The following AFAP1 variants were observed in gnomAD, a reference collection of about 807,000 sequenced individuals.
AFAP1 encodes the protein actin filament associated protein 1.
A neutral mutation model predicts 93.9 loss-of-function variants in AFAP1; 75 were observed. The ratio of observed to expected loss-of-function variants is 0.80; its 90% confidence interval spans 0.66 to 0.97. The LOEUF (loss-of-function observed/expected upper bound fraction) is 0.97, where lower values mean the gene tolerates loss of function less well. Among genes scored for constraint, AFAP1 ranks in the 50% least tolerant of loss-of-function variants. AFAP1 has a pLI of 0.00. For missense variants in AFAP1, 1,201 were observed against 1,050.8 expected (o/e 1.14, Z -1.98); for synonymous variants, 517 against 430.7 (o/e 1.20, Z -2.48).
At chr4:7,843,629 C>T (rs1371508723) in intron 4 of AFAP1, 4 of 346,444 alleles carry the variant, frequency 1.2e-5, no homozygotes, top group South Asian at 6.4e-5. Context: ...CACGCTGACC[C>T]GACACTGACT....
intron 4 of AFAP1, among the ~76,000 whole-genome samples, chr4:7,845,433 ACTTT>A (rs1181035306): frequency 5.2e-5 from 4 of 76,224 alleles, no homozygotes; most frequent in Admixed American, 2.5e-4. Context: ...TATTATTATT[ACTTT>A]AAGTCCAGGA....
chr4:7,879,732 C>CT lies in AFAP1; in HGVS notation c.-2-7653dup, dbSNP rs1717736289. 5.1e-5 allele frequency among the ~76,000 whole-genome samples: 7 copies of CT among 137,190 alleles called. No individual in the cohort carries two copies. In the South Asian group the frequency reaches 1.6e-3, roughly 32 times the overall value. The allele number at this position is 137,190 out of a possible 152,430, so 90.0% of individuals were successfully genotyped here. On this transcript the variant is annotated intron_variant, in intron 1 of 17. Transcript: ENST00000420658. ...TTTTTTTTTTTGTGAGACAGGGTCT[C>CT]TCTCTGTTGCCCAGGCTGGAGTGCA...
chr4:7,856,254 T>C (rs1272385103), intron 3 of AFAP1, among the ~76,000 whole-genome samples: 3 of 152,054 alleles, frequency 2.0e-5, no homozygotes, highest in Non-Finnish European at 4.4e-5. Context: ...TCACAATTTT[T>C]TTTTTTGAGT....
chr4:7,815,431 T>C (rs373514887), intron 8 of AFAP1, among the ~76,000 whole-genome samples: 1 of 152,246 alleles, frequency 6.6e-6, no homozygotes, highest in South Asian at 2.1e-4. Context: ...TTATATAATG[T>C]ACATTTTTAA....
intron 3 of AFAP1, 113 bp downstream of exon 3, chr4:7,868,509 G>C (rs1716676346): frequency 1.1e-6 from 1 of 878,486 alleles, no homozygotes; most frequent in Admixed American, 2.9e-5. Flanking sequence ...AGTGCCTCGA[G>C]ACAAATAAGG....
chr4:7,841,518 G>C (rs1713014204), intron 5 of AFAP1, among the ~76,000 whole-genome samples: 1 of 152,226 alleles, frequency 6.6e-6, no homozygotes, highest in Admixed American at 6.5e-5. Flanking sequence ...AAAAAAAGCT[G>C]TTAATGGCGG....
intron 1 of AFAP1, among the ~76,000 whole-genome samples, chr4:7,891,388 C>A (rs1718462809): frequency 6.6e-6 from 1 of 152,090 alleles, no homozygotes; most frequent in Non-Finnish European, 1.5e-5. Flanking sequence ...GAACCAAGGA[C>A]CAGAGAGAAA....
At position 7,898,673 on chromosome 4, in the gene AFAP1, A is replaced by C. The variant is rs528315696; in HGVS notation, c.-2-26593T>G. On this transcript the variant is annotated intron_variant, in intron 1 of 17. Transcript: ENST00000420658. ...GAAAAAGAAGAAAAAAAAAAAAAAA[A>C]CACTCTCTCCCTTTGTGAACCCATC... is the stretch of plus-strand genomic sequence containing the variant. 1.1e-4 allele frequency among the ~76,000 whole-genome samples: 15 copies of C among 139,132 alleles called. No homozygotes were observed. The South Asian group carries it at 3.1e-3, about 28-fold the overall frequency. 91.3% of individuals were successfully genotyped at this position (139,132 alleles called of 152,430 possible). A position where few individuals can be genotyped will look rare whatever the true frequency, so the allele number is the denominator to read the frequency against.
chr4:7,892,822 G>A (rs1718547275), intron 1 of AFAP1, among the ~76,000 whole-genome samples: 1 of 152,134 alleles, frequency 6.6e-6, no homozygotes, highest in African/African-American at 2.4e-5. Context: ...CAGCCCATGA[G>A]TCAAACGTGG....
At chr4:7,819,035 G>A (rs1170512586) in intron 7 of AFAP1, 41 bp downstream of exon 7, 1 of 1,507,912 alleles carries the variant, frequency 6.6e-7, no homozygotes, top group South Asian at 1.3e-5. Flanking sequence ...CCAATCCACT[G>A]CAAGGTCACC....
At chr4:7,787,195 G>T (rs1717378275) in intron 11 of AFAP1, among the ~76,000 whole-genome samples, 1 of 152,252 alleles carries the variant, frequency 6.6e-6, no homozygotes, top group Non-Finnish European at 1.5e-5. Context: ...AAGAGGATGG[G>T]GTTCCCGGAG....
intron 12 of AFAP1, among the ~76,000 whole-genome samples, chr4:7,782,772 G>A (rs536525551): frequency 6.6e-6 from 1 of 152,174 alleles, no homozygotes; most frequent in Non-Finnish European, 1.5e-5. Flanking sequence ...TAAAAATAGA[G>A]AAGACTTAAA....
chr4:7,815,988 A>G lies in AFAP1; in HGVS notation c.904+30T>C, dbSNP rs774020733. The G allele has an allele frequency of 9.0e-6, 14 of 1,562,608 alleles. No individual in the cohort carries two copies. In the African/African-American group the frequency reaches 1.5e-4, roughly 17 times the overall value. ...TTGTTTTTGTTTTTTTTTTTAGTGTATATATGTTTTTGGCACAAGCAGAAC... is the reference window on the plus strand; with the variant it reads ...TTGTTTTTGTTTTTTTTTTTAGTGTGTATATGTTTTTGGCACAAGCAGAAC... On this transcript the variant is annotated intron_variant, in intron 8 of 17. Transcript: ENST00000420658.
chr4:7,826,800 A>G (rs1202641301), intron 6 of AFAP1, among the ~76,000 whole-genome samples: 1 of 152,142 alleles, frequency 6.6e-6, no homozygotes, highest in Non-Finnish European at 1.5e-5. Context: ...GGAGCAGGGT[A>G]GGAGGCGGGC....
At chr4:7,928,091 G>T (rs151133155) in intron 1 of AFAP1, among the ~76,000 whole-genome samples, 279 of 152,196 alleles carry the variant, frequency 1.8e-3, no homozygotes, top group African/African-American at 6.3e-3. Flanking sequence ...CAAGAACATG[G>T]ACCCAGTTCT....
At chr4:7,767,766 G>A (rs13127069) in intron 17 of AFAP1, among the ~76,000 whole-genome samples, 56,454 of 152,022 alleles carry the variant, frequency 0.37, 13,097 homozygotes, top group Non-Finnish European at 0.53. Flanking sequence ...CAGTCAACTC[G>A]GAGGGGGCTC....
chr4:7,916,921 G>C (rs978042944), intron 1 of AFAP1, among the ~76,000 whole-genome samples: 11 of 152,164 alleles, frequency 7.2e-5, no homozygotes, highest in African/African-American at 2.4e-4. Context: ...GACTGTACCA[G>C]ACACTGAATG....
At chr4:7,767,369 G>A (rs906911947) in intron 17 of AFAP1, among the ~76,000 whole-genome samples, 2 of 152,164 alleles carry the variant, frequency 1.3e-5, no homozygotes, top group African/African-American at 4.8e-5. Flanking sequence ...AGAATTTTCA[G>A]TCCAATTTCT....
At chr4:7,905,024 T>C (rs1487503746) in intron 1 of AFAP1, among the ~76,000 whole-genome samples, 3 of 152,118 alleles carry the variant, frequency 2.0e-5, no homozygotes. Context: ...ATGTGACTTA[T>C]ACAAAATCAG....
Sources: gnomAD v4.1 joint callset for allele counts (sites outside exome capture counted in the v4.1 genomes callset) on GRCh38, gnomAD v4.1.1 for gene constraint, MANE v1.5 for transcripts, NCBI Gene and HGNC (gene_info 2026-07-23, HGNC 2026-07-21) for gene names.